Variants in LINGO2 observed in about 807,000 individuals in gnomAD.
LINGO2 encodes leucine rich repeat and Ig domain containing 2.
In LINGO2, 14 loss-of-function variants were observed where a neutral mutation model predicts 30.6. The ratio of observed to expected loss-of-function variants is 0.46; its 90% CI spans 0.30 to 0.72. The LOEUF is 0.72. LINGO2 is among the 30% of genes least tolerant of loss of function. The probability of loss-of-function intolerance (pLI) is 0.07; values close to 1 mark genes in which losing one functional copy is unlikely to be tolerated. For missense variants in LINGO2, 729 were observed against 751.7 expected (o/e 0.97, Z 0.35); for synonymous variants, 317 against 288.5 (o/e 1.10, Z -1.00).
intron 4 of LINGO2, among the ~76,000 whole-genome samples, chr9:28,093,296 C>G (rs550376294): frequency 3.1e-4 from 47 of 152,128 alleles, no homozygotes; most frequent in Middle Eastern, 6.8e-3. Flanking sequence ...GAAAAAAAAT[C>G]CCTGGTCATT....
chr9:28,298,156 G>A (rs1823994364), intron 3 of LINGO2, among the ~76,000 whole-genome samples: 1 of 151,996 alleles, frequency 6.6e-6, no homozygotes, highest in Non-Finnish European at 1.5e-5. Context: ...CTCCAAATAT[G>A]TTATTAATGA....
chr9:28,130,865 T>C lies in LINGO2; in HGVS notation c.-86-118460A>G, dbSNP rs1488313258. On this transcript the variant is annotated intron_variant, in intron 4 of 5. Transcript: ENST00000379992. The surrounding 1 kb of genome is among the most constrained non-coding windows in gnomAD (Gnocchi z 5.2). ...TGTACATATGTTCCCATGAATGCGT[T>C]TGAGGCCTTTCAAAATAGGGCCTCA... 6.6e-6 allele frequency among the ~76,000 whole-genome samples: 1 copy of C among 152,190 alleles called. No individual in the cohort carries two copies. The highest frequency in any genetic ancestry group is 1.5e-5 in the Non-Finnish European group (1 of 68,010).
the LINGO2 span, among the ~76,000 whole-genome samples, chr9:29,153,730 A>G: frequency 3.3e-5 from 5 of 152,210 alleles, no homozygotes; most frequent in Non-Finnish European, 7.3e-5. Context: ...GGAAATATAA[A>G]TCTCTGCAAT....
At chr9:29,169,061 C>T in the LINGO2 span, among the ~76,000 whole-genome samples, 2 of 152,126 alleles carry the variant, frequency 1.3e-5, no homozygotes, top group Non-Finnish European at 2.9e-5. Context: ...GATTCTCCTG[C>T]CTCAGCCTCC....
At chr9:28,280,458 A>G (rs1823279715) in intron 4 of LINGO2, among the ~76,000 whole-genome samples, 1 of 152,180 alleles carries the variant, frequency 6.6e-6, no homozygotes, top group South Asian at 2.1e-4. Flanking sequence ...AATAAACACT[A>G]GGAACTAATA....
intron 3 of LINGO2, among the ~76,000 whole-genome samples, chr9:28,371,854 T>G (rs1331867): frequency 6.6e-6 from 1 of 151,818 alleles, no homozygotes; most frequent in East Asian, 1.9e-4. Context: ...TTAGGGAAAC[T>G]ATGCTCATTT....
the LINGO2 span, among the ~76,000 whole-genome samples, chr9:29,107,851 T>C: frequency 6.7e-6 from 1 of 150,244 alleles, no homozygotes; most frequent in Admixed American, 6.7e-5. Flanking sequence ...AAATAACCTT[T>C]ATCTCTACTT....
chr9:28,649,443 A>G (rs1440520815), intron 1 of LINGO2, among the ~76,000 whole-genome samples: 1 of 152,124 alleles, frequency 6.6e-6, no homozygotes, highest in Non-Finnish European at 1.5e-5. Flanking sequence ...AAATTGTTAT[A>G]AATAGCTCAT....
the LINGO2 span, among the ~76,000 whole-genome samples, chr9:29,184,736 CCTCT>C: frequency 3.4e-5 from 5 of 149,076 alleles, no homozygotes; most frequent in Non-Finnish European, 6.0e-5. Flanking sequence ...CCTCTCCCTT[CCTCT>C]CTCTCTCTCT....
At chr9:28,986,287 A>G in the LINGO2 span, among the ~76,000 whole-genome samples, 15 of 152,110 alleles carry the variant, frequency 9.9e-5, no homozygotes, top group Non-Finnish European at 2.2e-4. Flanking sequence ...TAGCATTATA[A>G]TAGTTTAAAT....
intron 3 of LINGO2, among the ~76,000 whole-genome samples, chr9:28,300,483 C>T (rs1824099232): frequency 6.6e-6 from 1 of 152,072 alleles, no homozygotes; most frequent in African/African-American, 2.4e-5. Context: ...GAAACTTTAC[C>T]AATTAAAATA....
intron 1 of LINGO2, among the ~76,000 whole-genome samples, chr9:28,502,743 C>T (rs906063438): frequency 3.9e-5 from 6 of 152,080 alleles, no homozygotes; most frequent in African/African-American, 1.4e-4. Flanking sequence ...AATATTTCTT[C>T]ATTTTATACA....
At chr9:28,112,041 C>T (rs13299300) in intron 4 of LINGO2, among the ~76,000 whole-genome samples, 138 of 116,132 alleles carry the variant, frequency 1.2e-3, no homozygotes, top group African/African-American at 2.3e-3. Context: ...GTATATCTCC[C>T]AATGCTATCC....
chr9:28,719,834 C>T, the LINGO2 span, among the ~76,000 whole-genome samples: 2 of 151,888 alleles, frequency 1.3e-5, no homozygotes, highest in Non-Finnish European at 2.9e-5. Flanking sequence ...AAATGAACTG[C>T]CATTTCCTCT....
chr9:28,658,897 T>C (rs1237322161), intron 1 of LINGO2, among the ~76,000 whole-genome samples: 3 of 152,118 alleles, frequency 2.0e-5, no homozygotes, highest in African/African-American at 7.2e-5. Context: ...ATCATATGAA[T>C]GTATCTTCAG....
the LINGO2 span, among the ~76,000 whole-genome samples, chr9:29,031,351 C>T: frequency 2.0e-5 from 3 of 152,010 alleles, no homozygotes; most frequent in South Asian, 2.1e-4. Context: ...GGCGCCATCT[C>T]GGCCCACTGT....
Position 28,172,033 on chromosome 9 carries a change from AC to A in LINGO2, c.-87+123174del, listed in dbSNP as rs1343883508. ...CTCCGTCTCAAAAAAAAAAAAAAAA[AC>A]AAAAAAAAAAACCCAGCATCTCCTA... On this transcript the variant is annotated intron_variant, in intron 4 of 5. Coordinates refer to ENST00000379992, the Ensembl canonical transcript of LINGO2. Among the ~76,000 whole-genome samples, 44 of 87,136 alleles carry A rather than the reference AC, an allele frequency of 5.0e-4. 3 individuals carry two copies. Among genetic ancestry groups the A allele is most frequent in the East Asian group, 7.2e-4 (3 of 4,158 alleles). 57.2% of individuals were successfully genotyped at this position (87,136 alleles called of 152,430 possible). A position where few individuals can be genotyped will look rare whatever the true frequency, so the allele number is the denominator to read the frequency against.
chr9:28,638,200 G>A lies in LINGO2; in HGVS notation c.-365+32000C>T, dbSNP rs186429290. On this transcript the variant is annotated intron_variant, in intron 1 of 5. Transcript: ENST00000379992. Reference sequence around the variant, plus strand: ...TGGATTATGGTGGATAAGTTTTGATGTGCTGCTGGATTCTTTTTGCCAGTA... The same window carrying A: ...TGGATTATGGTGGATAAGTTTTGATATGCTGCTGGATTCTTTTTGCCAGTA... 5.3e-5 allele frequency among the ~76,000 whole-genome samples: 8 copies of A among 152,262 alleles called. No individual in the cohort carries two copies. The East Asian group carries it at 1.5e-3, about 29-fold the overall frequency.
At chr9:28,956,768 CCTTCT>C in the LINGO2 span, among the ~76,000 whole-genome samples, 1 of 135,166 alleles carries the variant, frequency 7.4e-6, no homozygotes, top group African/African-American at 2.8e-5. Flanking sequence ...CCTCCCCTTC[CCTTCT>C]CCTTTTCTTG....
Sources: gnomAD v4.1 joint callset for allele counts (sites outside exome capture counted in the v4.1 genomes callset) on GRCh38, gnomAD v4.1.1 for gene constraint, Gnocchi (gnomAD v3.1) non-coding constraint, MANE v1.5 for transcripts, NCBI Gene and HGNC (gene_info 2026-07-23, HGNC 2026-07-21) for gene names.